MARCHF11: variants seen among roughly 807,000 people sequenced by gnomAD.
MARCHF11 encodes the protein E3 ubiquitin-protein ligase MARCHF11.
MARCHF11 carries 29 observed loss-of-function variants against 37.3 expected under a neutral mutation model. The ratio of observed to expected loss-of-function variants is 0.78; its 90% CI spans 0.58 to 1.06. MARCHF11 has a LOEUF of 1.06. Ranked by LOEUF, MARCHF11 falls within the 50% of genes least tolerant of loss-of-function variation. The pLI is 0.00. For synonymous variants in MARCHF11, 233 were observed against 228.0 expected, an observed-to-expected ratio of 1.02 and a Z score of -0.20; for missense variants, 482 against 533.4, an observed-to-expected ratio of 0.90 and a Z score of 0.95.
intron 3 of MARCHF11, among the ~76,000 whole-genome samples, chr5:16,088,762 T>C (rs1736741680): frequency 6.6e-6 from 1 of 152,096 alleles, no homozygotes; most frequent in African/African-American, 2.4e-5. Context: ...TTTCAAAATA[T>C]ACAAATAGAT....
chr5:16,122,940 T>A (rs1190130685), intron 2 of MARCHF11, among the ~76,000 whole-genome samples: 2 of 152,206 alleles, frequency 1.3e-5, no homozygotes, highest in Non-Finnish European at 2.9e-5. Context: ...TAGTTTCGCA[T>A]GTATTGCCCA....
chr5:16,109,103 T>TACACAC (rs3031633), intron 2 of MARCHF11, among the ~76,000 whole-genome samples: 2,914 of 141,380 alleles, frequency 0.021, 42 homozygotes, highest in South Asian at 0.042. Flanking sequence ...ACATAAGAAA[T>TACACAC]ACACACACAC....
At chr5:16,104,813 T>G (rs1366827557) in intron 2 of MARCHF11, among the ~76,000 whole-genome samples, 1 of 152,204 alleles carries the variant, frequency 6.6e-6, no homozygotes, top group Non-Finnish European at 1.5e-5. Flanking sequence ...TGTTACTCCA[T>G]CTCTTTGCTG....
At chr5:16,085,704 G>A (rs1001188001) in intron 3 of MARCHF11, among the ~76,000 whole-genome samples, 4 of 152,022 alleles carry the variant, frequency 2.6e-5, no homozygotes, top group African/African-American at 9.7e-5. Flanking sequence ...TGTAATGCCA[G>A]CACTTTGGGA....
At chr5:16,088,739 A>G (rs1442544114) in intron 3 of MARCHF11, among the ~76,000 whole-genome samples, 1 of 152,210 alleles carries the variant, frequency 6.6e-6, no homozygotes, top group Non-Finnish European at 1.5e-5. Context: ...TTCAATCAGA[A>G]TTCTTTAATT....
rs957567459 is a variant in MARCHF11 at position 16,070,533 on chromosome 5, A to C, written c.887-2740T>G. 4.5e-4 allele frequency among the ~76,000 whole-genome samples: 69 copies of C among 152,202 alleles called. 1 individual carries two copies. The highest frequency in any genetic ancestry group is 4.5e-3 in the Admixed American group (69 of 15,268). The stretch of plus-strand genomic sequence containing the variant: ...CAGGGGCACAGCTTCACCAGAGGAA[A>C]CTACTGACTTTGCAAGATCCTATTC... On this transcript the variant is annotated intron_variant, in intron 3 of 3. Coordinates refer to ENST00000332432, the MANE Select transcript of MARCHF11 (RefSeq NM_001102562.3).
chr5:16,133,639 A>C (rs924932637), intron 2 of MARCHF11, among the ~76,000 whole-genome samples: 5 of 148,280 alleles, frequency 3.4e-5, no homozygotes, highest in African/African-American at 1.0e-4. Flanking sequence ...GCATAAACAC[A>C]CATACACATG....
At chr5:16,091,218 T>C in intron 2 of MARCHF11, 137 bp from the exon 3 acceptor site, 2 of 608,464 alleles carry the variant, frequency 3.3e-6, no homozygotes. Context: ...AATTTTTTCA[T>C]TTCATCCAGG....
chr5:16,093,693 T>C (rs937445478), intron 2 of MARCHF11, among the ~76,000 whole-genome samples: 2 of 152,232 alleles, frequency 1.3e-5, no homozygotes, highest in Non-Finnish European at 2.9e-5. Flanking sequence ...ACAGCAAATT[T>C]AAATTTGTGT....
chr5:16,072,292 C>A (rs535853918), intron 3 of MARCHF11, among the ~76,000 whole-genome samples: 90 of 152,230 alleles, frequency 5.9e-4, no homozygotes, highest in African/African-American at 2.1e-3. Flanking sequence ...CTTGTAATCA[C>A]AGAATAATCA....
In MARCHF11 at chr5:16,076,656, A is replaced by G. The variant is rs149001332; in HGVS notation, c.887-8863T>C. On this transcript the variant is annotated intron_variant, in intron 3 of 3. Transcript: ENST00000332432. ...CAGTCACCCAATTTCAAAATTAAAA[A>G]GTAGTGGATATAATTTAATCCAACC... 9.7e-4 allele frequency among the ~76,000 whole-genome samples: 148 copies of G among 152,328 alleles called. 1 individual carries two copies. Among genetic ancestry groups the G allele is most frequent in the Admixed American group, 2.2e-3 (33 of 15,306 alleles).
At chr5:16,074,261 G>A (rs1736479878) in intron 3 of MARCHF11, among the ~76,000 whole-genome samples, 1 of 152,142 alleles carries the variant, frequency 6.6e-6, no homozygotes, top group Non-Finnish European at 1.5e-5. Flanking sequence ...GTGGTGCCAA[G>A]AGGAAAGTTC....
At chr5:16,165,983 T>A (rs1407156228) in intron 2 of MARCHF11, among the ~76,000 whole-genome samples, 1 of 152,118 alleles carries the variant, frequency 6.6e-6, no homozygotes, top group Non-Finnish European at 1.5e-5. Flanking sequence ...TGGAATTCTG[T>A]AAGGGAGACT....
At chr5:16,088,920 A>G (rs892985704) in intron 3 of MARCHF11, among the ~76,000 whole-genome samples, 1 of 152,178 alleles carries the variant, frequency 6.6e-6, no homozygotes, top group African/African-American at 2.4e-5. Flanking sequence ...ACTTTATAAA[A>G]TGGGCAAATG....
chr5:16,147,121 A>G (rs1737811271), intron 2 of MARCHF11, among the ~76,000 whole-genome samples: 1 of 152,180 alleles, frequency 6.6e-6, no homozygotes, highest in African/African-American at 2.4e-5. Context: ...CTTTGAGGTG[A>G]CTGCATTTAG....
chr5:16,173,839 TTATG>T (rs1476739749), intron 2 of MARCHF11, among the ~76,000 whole-genome samples: 9 of 152,176 alleles, frequency 5.9e-5, no homozygotes, highest in Non-Finnish European at 1.0e-4. Flanking sequence ...TCACACATAT[TTATG>T]TGTCTAATTC....
intron 2 of MARCHF11, among the ~76,000 whole-genome samples, chr5:16,167,759 T>C (rs897318573): frequency 8.5e-5 from 13 of 152,136 alleles, no homozygotes; most frequent in Non-Finnish European, 2.9e-5. Context: ...CTTCCGTTCC[T>C]TACTATTGAT....
intron 3 of MARCHF11, among the ~76,000 whole-genome samples, chr5:16,076,059 AG>A (rs1160557144): frequency 1.3e-5 from 2 of 152,186 alleles, no homozygotes; most frequent in African/African-American, 4.8e-5. Context: ...CTGTCTTTTC[AG>A]GCAAAATAGA....
rs1383446854 is a variant in MARCHF11 at position 16,177,859 on chromosome 5, C to T, written c.560G>A (p.Arg187Gln). The change falls in exon 2 of 4, where the codon CGA becomes CAA. Residue 187 changes from arginine to glutamine, a missense_variant. Arg to Gln is a conservative substitution (Grantham distance 43, BLOSUM62 1). Transcript: ENST00000332432. The stretch of plus-strand genomic sequence containing the variant: ...TGTATACCGAACTGACCCATCACAT[C>T]GGCAGGGGTTCAACAACTCACCCTA... ...AEQGELLNPCRCDGSVRYTHQ... is the reference protein window; with the variant it reads ...AEQGELLNPCQCDGSVRYTHQ... The T allele has an allele frequency of 1.9e-6, 3 of 1,610,390 alleles. No homozygotes were observed. Among genetic ancestry groups the T allele is most frequent in the Non-Finnish European group, 2.5e-6 (3 of 1,178,484 alleles).
Sources: gnomAD v4.1 joint callset for allele counts (sites outside exome capture counted in the v4.1 genomes callset) on GRCh38, gnomAD v4.1.1 for gene constraint, MANE v1.5 for transcripts, NCBI Gene and HGNC (gene_info 2026-07-23, HGNC 2026-07-21) for gene names.